Variants in F13A1 observed in about 807,000 individuals in gnomAD.
The protein encoded by F13A1 is FSF, A subunit.
In F13A1, 47 loss-of-function variants were observed where a neutral mutation model predicts 80.1. That is an observed-to-expected ratio of 0.59 (90% CI 0.46 to 0.75). The LOEUF is 0.75. F13A1 is among the 30% of genes least tolerant of loss of function. F13A1 has a pLI of 0.00. For synonymous variants in F13A1, 349 were observed against 344.9 expected (o/e 1.01, Z -0.13); for missense variants, 817 against 930.4 (o/e 0.88, Z 1.59).
At chr6:6,319,180 T>C (rs1758733133) in intron 1 of F13A1, among the ~76,000 whole-genome samples, 1 of 152,212 alleles carries the variant, frequency 6.6e-6, no homozygotes, top group Admixed American at 6.5e-5. Flanking sequence ...CCAATATTTA[T>C]TGAGGGCCTA....
intron 4 of F13A1, among the ~76,000 whole-genome samples, chr6:6,252,703 T>C (rs946407280): frequency 9.9e-5 from 15 of 152,172 alleles, no homozygotes; most frequent in Non-Finnish European, 4.4e-5. Flanking sequence ...AATGAACACA[T>C]ACAAAATGTT....
Position 6,167,446 on chromosome 6 carries a change from G to A in F13A1, c.1908+12C>T, listed in dbSNP as rs763508477. 5 of 1,612,620 alleles carry A rather than the reference G, an allele frequency of 3.1e-6. No homozygotes were observed. The highest frequency in any genetic ancestry group is 4.5e-5 in the East Asian group (2 of 44,798). On this transcript the variant is annotated intron_variant, in intron 13 of 14. Coordinates refer to ENST00000264870, the MANE Select transcript of F13A1 (RefSeq NM_000129.4). ...CTTTGTCTCTGTTCCAGGATGAGAC[G>A]CTAAGACTGACCTTGATGATGATCT...
At chr6:6,301,382 C>T (rs1758428968) in intron 3 of F13A1, among the ~76,000 whole-genome samples, 1 of 152,154 alleles carries the variant, frequency 6.6e-6, no homozygotes, top group African/African-American at 2.4e-5. Context: ...TTGTCACTTG[C>T]CTTTCTTGTA....
chr6:6,186,326 G>T (rs908917469), intron 10 of F13A1, among the ~76,000 whole-genome samples: 1 of 152,016 alleles, frequency 6.6e-6, no homozygotes, highest in African/African-American at 2.4e-5. Context: ...GTAATGCCTA[G>T]GTTTTCTTCT....
chr6:6,164,979 G>T (rs1760641113), intron 13 of F13A1, among the ~76,000 whole-genome samples: 1 of 152,168 alleles, frequency 6.6e-6, no homozygotes, highest in Admixed American at 6.5e-5. Flanking sequence ...GGTCCTTAGG[G>T]TGTGAGTGCT....
At chr6:6,240,158 G>A (rs1241188274) in intron 6 of F13A1, among the ~76,000 whole-genome samples, 1 of 152,146 alleles carries the variant, frequency 6.6e-6, no homozygotes, top group Non-Finnish European at 1.5e-5. Flanking sequence ...TTCAGGGAAA[G>A]CAGACATTTA....
In F13A1 at chr6:6,144,908, A is replaced by G. The variant is rs568709684; in HGVS notation, c.*711T>C. The G allele has an allele frequency of 6.5e-6, 1 of 154,308 alleles. No individual in the cohort carries two copies. Among genetic ancestry groups the G allele is most frequent in the East Asian group, 1.9e-4 (1 of 5,204 alleles). The allele number at this position is 154,308 out of a possible 1,614,324, so 9.6% of individuals were successfully genotyped here. A position where few individuals can be genotyped will look rare whatever the true frequency, so the allele number is the denominator to read the frequency against. ...ATCAGGCCACAGTGTGACACATTCT[A>G]TAAAATGCATCACAAAACTACATTA... On this transcript the variant is annotated 3_prime_UTR_variant, in exon 15 of 15. Transcript: ENST00000264870.
At chr6:6,174,943 T>C (rs1760855190) in intron 11 of F13A1, 76 bp from the exon 12 acceptor site, 6 of 1,540,638 alleles carry the variant, frequency 3.9e-6, no homozygotes, top group East Asian at 2.2e-5. Context: ...GGATGCACCG[T>C]GTACTGCACT....
At chr6:6,300,754 C>G (rs1031098359) in intron 3 of F13A1, among the ~76,000 whole-genome samples, 2 of 151,344 alleles carry the variant, frequency 1.3e-5, no homozygotes, top group Non-Finnish European at 2.9e-5. Context: ...ATTCGGCCAT[C>G]TTGGCTCCTC....
At chr6:6,161,322 AT>A (rs1044613836) in intron 13 of F13A1, among the ~76,000 whole-genome samples, 1 of 152,036 alleles carries the variant, frequency 6.6e-6, no homozygotes, top group Non-Finnish European at 1.5e-5. Context: ...AGCAACCCCC[AT>A]GCATTGATGG....
chr6:6,191,544 G>C (rs1420960981), intron 10 of F13A1, among the ~76,000 whole-genome samples: 1 of 152,128 alleles, frequency 6.6e-6, no homozygotes, highest in Non-Finnish European at 1.5e-5. Context: ...CTCAGTAAAG[G>C]TGGGGTGGAA....
At chr6:6,248,453 T>C in intron 5 of F13A1, 34 bp from the exon 6 acceptor site, 14 of 1,544,298 alleles carry the variant, frequency 9.1e-6, no homozygotes, top group East Asian at 2.3e-5. Flanking sequence ...GAGAAACTAG[T>C]GTTCACTCTG....
At chr6:6,242,949 A>G (rs1757502432) in intron 6 of F13A1, among the ~76,000 whole-genome samples, 1 of 152,046 alleles carries the variant, frequency 6.6e-6, no homozygotes, top group Non-Finnish European at 1.5e-5. Context: ...CTGAGCTAAA[A>G]TTTTCTATTT....
chr6:6,165,747 T>A (rs2151072260), intron 13 of F13A1, among the ~76,000 whole-genome samples: 1 of 152,356 alleles, frequency 6.6e-6, no homozygotes, highest in Non-Finnish European at 1.5e-5. Flanking sequence ...TAACTTCACG[T>A]TCTCATGGAT....
rs761280515 is a variant in F13A1, at chr6:6,243,765, C to T, written c.798+4547G>A. On this transcript the variant is annotated intron_variant, in intron 6 of 14. Coordinates refer to ENST00000264870, the MANE Select transcript of F13A1 (RefSeq NM_000129.4). The surrounding 1 kb of genome is among the most constrained non-coding windows in gnomAD (Gnocchi z 4.2). ...CTTGGAGAGTCCTCCCCATTGCACACGCTGGTTCAGCATGTGTTTCGACAC... is the reference window on the plus strand; with the variant it reads ...CTTGGAGAGTCCTCCCCATTGCACATGCTGGTTCAGCATGTGTTTCGACAC... Among the ~76,000 whole-genome samples, 16 of 152,182 alleles carry T rather than the reference C, an allele frequency of 1.1e-4. No homozygotes were observed. The highest frequency in any genetic ancestry group is 3.3e-4 in the Admixed American group (5 of 15,280).
At chr6:6,306,299 G>A (rs915508907) in intron 2 of F13A1, among the ~76,000 whole-genome samples, 21 of 152,186 alleles carry the variant, frequency 1.4e-4, no homozygotes, top group African/African-American at 5.1e-4. Flanking sequence ...TTTGATTTGT[G>A]GCATCAGGAG....
chr6:6,273,523 C>T (rs1757948873), intron 3 of F13A1, among the ~76,000 whole-genome samples: 1 of 152,206 alleles, frequency 6.6e-6, no homozygotes, highest in Admixed American at 6.5e-5. Flanking sequence ...CTCCATCTAC[C>T]TGCAGACTTC....
At chr6:6,192,386 C>T (rs113992784) in intron 10 of F13A1, among the ~76,000 whole-genome samples, 228 of 152,160 alleles carry the variant, frequency 1.5e-3, no homozygotes, top group African/African-American at 5.1e-3. Context: ...CTTTATGGAG[C>T]TCAGTGTTGT....
chr6:6,251,397 T>C (rs1488934038), intron 4 of F13A1, among the ~76,000 whole-genome samples: 1 of 150,870 alleles, frequency 6.6e-6, no homozygotes. Flanking sequence ...GTCTGTTTTG[T>C]GGCCCATCAC....
Sources: allele counts gnomAD v4.1 joint callset (sites outside exome capture counted in the v4.1 genomes callset), GRCh38; gene constraint gnomAD v4.1.1; non-coding constraint Gnocchi (gnomAD v3.1); transcripts MANE v1.5; gene names NCBI Gene and HGNC (gene_info 2026-07-23, HGNC 2026-07-21).